NHSL2: variants seen among roughly 807,000 people sequenced by gnomAD.
The protein encoded by NHSL2 is NHS-like protein 2.
Under a neutral mutation model 53.4 loss-of-function variants are expected in NHSL2, and 27 were observed. The observed-to-expected ratio is 0.51, with a 90% CI of 0.37 to 0.70. NHSL2 has a LOEUF of 0.70. Among genes scored for constraint, NHSL2 ranks in the 30% least tolerant of loss-of-function variants. The pLI is 0.00. For missense variants in NHSL2, 892 were observed against 980.1 expected, an observed-to-expected ratio of 0.91 and a Z score of 1.20; for synonymous variants, 408 against 404.1, an observed-to-expected ratio of 1.01 and a Z score of -0.12.
intron 1 of NHSL2, among the ~76,000 whole-genome samples, chrX:71,938,074 C>T (rs948350958): frequency 3.6e-5 from 4 of 112,349 alleles, no homozygotes; most frequent in Admixed American, 1.9e-4. Flanking sequence ...AATCTCACCA[C>T]GTCCCTACAA....
At chrX:71,939,374 AGAAGGTGGGTTAG>A (rs1442761140) in intron 1 of NHSL2, among the ~76,000 whole-genome samples, 1 of 112,452 alleles carries the variant, frequency 8.9e-6, no homozygotes, top group African/African-American at 3.2e-5. Context: ...GAAGCAGTAT[AGAAGGTGGGTTAG>A]GAAGTTGTGA....
intron 1 of NHSL2, among the ~76,000 whole-genome samples, chrX:72,087,544 G>A (rs1367852553): frequency 3.5e-5 from 4 of 112,763 alleles, no homozygotes; most frequent in African/African-American, 1.3e-4. Context: ...TTTTAAAAAG[G>A]TGTGAGAGAC....
Position 72,132,247 on chromosome X carries a change from A to C in NHSL2, c.436+13A>C. On this transcript the variant is annotated intron_variant, in intron 2 of 7. Coordinates refer to ENST00000633930, the MANE Select transcript of NHSL2 (RefSeq NM_001013627.3). Reference sequence around the variant, plus strand: ...AGCCTGTTGCAAGGTACCGAGAGGGAGGGGGGCTGCGGCCGGAGCCCAGAA... The same window carrying C: ...AGCCTGTTGCAAGGTACCGAGAGGGCGGGGGGCTGCGGCCGGAGCCCAGAA... 7 of 1,143,157 alleles carry C rather than the reference A, an allele frequency of 6.1e-6. No individual in the cohort carries two copies. The highest frequency in any genetic ancestry group is 8.1e-6 in the Non-Finnish European group (7 of 859,137). The allele number at this position is 1,143,157 out of a possible 1,213,427, so 94.2% of individuals were successfully genotyped here.
chrX:72,026,605 G>C (rs1019440976), intron 1 of NHSL2, among the ~76,000 whole-genome samples: 1 of 112,742 alleles, frequency 8.9e-6, no homozygotes, highest in Non-Finnish European at 1.9e-5. Context: ...TGGCCTAGGT[G>C]GTTTTCCTGC....
At chrX:72,129,658 GCT>G in intron 1 of NHSL2, 2 of 484,182 alleles carry the variant, frequency 4.1e-6, no homozygotes, top group Non-Finnish European at 6.7e-6. Context: ...GGCACACGTC[GCT>G]CTCTGGTCAC....
At chrX:72,001,561 C>T (rs1254460683) in intron 1 of NHSL2, among the ~76,000 whole-genome samples, 1 of 111,866 alleles carries the variant, frequency 8.9e-6, no homozygotes, top group East Asian at 2.8e-4. Context: ...TCCCTTGTTT[C>T]CTCCACACTG....
chrX:72,124,541 C>T (rs1476544957), intron 1 of NHSL2, among the ~76,000 whole-genome samples: 1 of 112,011 alleles, frequency 8.9e-6, no homozygotes, highest in East Asian at 2.8e-4. Context: ...CTCTATGCTG[C>T]TCTAGGCTGG....
At chrX:72,000,844 T>G (rs1236612533) in intron 1 of NHSL2, among the ~76,000 whole-genome samples, 1 of 112,454 alleles carries the variant, frequency 8.9e-6, no homozygotes, top group African/African-American at 3.2e-5. Context: ...GATAAGTAAC[T>G]TTAACTCCAC....
chrX:72,096,852 G>C (rs1046519583), intron 1 of NHSL2, among the ~76,000 whole-genome samples: 5 of 111,369 alleles, frequency 4.5e-5, no homozygotes, highest in Non-Finnish European at 7.5e-5. Context: ...CAAACTCCTG[G>C]GCTCACGCGA....
chrX:72,078,200 C>T (rs749550146), intron 1 of NHSL2, among the ~76,000 whole-genome samples: 44 of 112,619 alleles, frequency 3.9e-4, no homozygotes, highest in African/African-American at 1.4e-3. Flanking sequence ...AGTCTGTCTT[C>T]TTAGCCCCTA....
intron 1 of NHSL2, among the ~76,000 whole-genome samples, chrX:72,035,945 C>T (rs1331425109): frequency 2.7e-5 from 3 of 111,808 alleles, no homozygotes; most frequent in Non-Finnish European, 5.6e-5. Context: ...CGCCTCCTGT[C>T]TGATCAGTGG....
At chrX:72,091,845 C>T (rs1392624021) in intron 1 of NHSL2, among the ~76,000 whole-genome samples, 2 of 111,944 alleles carry the variant, frequency 1.8e-5, no homozygotes, top group African/African-American at 6.5e-5. Flanking sequence ...TTGATCCTTA[C>T]TACCCTCTTT....
intron 1 of NHSL2, among the ~76,000 whole-genome samples, chrX:72,095,737 C>T (rs1308539333): frequency 1.8e-5 from 2 of 111,854 alleles, no homozygotes; most frequent in African/African-American, 3.3e-5. Flanking sequence ...GCTTTTGACC[C>T]CCATAGACCT....
chrX:72,131,508 G>A, intron 1 of NHSL2: 2 of 1,195,546 alleles, frequency 1.7e-6, no homozygotes, highest in Non-Finnish European at 2.3e-6. Context: ...TCGCCATGCG[G>A]AGGCTGTTGA....
At chrX:72,026,625 T>A (rs757883010) in intron 1 of NHSL2, among the ~76,000 whole-genome samples, 1 of 112,409 alleles carries the variant, frequency 8.9e-6, no homozygotes, top group South Asian at 3.7e-4. Flanking sequence ...CAGAAGGAAA[T>A]GGGAAATATG....
chrX:71,933,792 T>C (rs1269250844), intron 1 of NHSL2, among the ~76,000 whole-genome samples: 3 of 111,615 alleles, frequency 2.7e-5, no homozygotes, highest in Non-Finnish European at 5.7e-5. Flanking sequence ...TTCCCCCAGC[T>C]ATCCCCAGGC....
intron 1 of NHSL2, among the ~76,000 whole-genome samples, chrX:71,983,568 G>A (rs889688182): frequency 2.7e-5 from 3 of 109,958 alleles, no homozygotes; most frequent in African/African-American, 1.0e-4. Context: ...CCATGATCAC[G>A]CCACTGTTCT....
chrX:72,045,474 G>GAC (rs1270049832), intron 1 of NHSL2, among the ~76,000 whole-genome samples: 1 of 111,084 alleles, frequency 9.0e-6, no homozygotes, highest in Non-Finnish European at 1.9e-5. Context: ...CCAGCCCCTC[G>GAC]TGGCAGGGGT....
intron 1 of NHSL2, among the ~76,000 whole-genome samples, chrX:72,060,909 ACT>A (rs1433787258): frequency 1.8e-5 from 2 of 112,413 alleles, no homozygotes; most frequent in African/African-American, 6.5e-5. Flanking sequence ...CACATGAATA[ACT>A]CTGGGGGCTG....
Sources: gnomAD v4.1 joint callset for allele counts (sites outside exome capture counted in the v4.1 genomes callset) on GRCh38, gnomAD v4.1.1 for gene constraint, MANE v1.5 for transcripts, NCBI Gene and HGNC (gene_info 2026-07-23, HGNC 2026-07-21) for gene names.